TRAPPC9: variants seen among roughly 807,000 people sequenced by gnomAD.
The protein encoded by TRAPPC9 is IKK2 binding protein.
In TRAPPC9, 83 loss-of-function variants were observed where a neutral mutation model predicts 124.0. The ratio of observed to expected loss-of-function variants is 0.67; its 90% confidence interval spans 0.56 to 0.80. The LOEUF (loss-of-function observed/expected upper bound fraction) is 0.80. Ranked by LOEUF, TRAPPC9 falls within the 30% of genes least tolerant of loss-of-function variation. The pLI is 0.00. For synonymous variants in TRAPPC9, 638 were observed against 617.5 expected (o/e 1.03, Z -0.49); for missense variants, 1,302 against 1,508.3 (o/e 0.86, Z 2.27).
chr8:140,338,455 G>A (rs2067101782), intron 9 of TRAPPC9, among the ~76,000 whole-genome samples: 2 of 152,210 alleles, frequency 1.3e-5, no homozygotes, highest in Admixed American at 6.5e-5. Context: ...CAGGACAGAC[G>A]AGACCATGGT....
At chr8:140,175,189 C>T (rs1320906991) in intron 17 of TRAPPC9, among the ~76,000 whole-genome samples, 1 of 151,866 alleles carries the variant, frequency 6.6e-6, no homozygotes, top group African/African-American at 2.4e-5. Flanking sequence ...GAAAACAGTA[C>T]ACACAGCTAA....
intron 15 of TRAPPC9, among the ~76,000 whole-genome samples, chr8:140,264,026 C>A (rs1156332250): frequency 1.3e-5 from 2 of 152,208 alleles, no homozygotes; most frequent in African/African-American, 4.8e-5. Context: ...GAAGTAGAAG[C>A]CACTTTTCTC....
Position 139,984,707 on chromosome 8 carries a change from G to A in TRAPPC9, c.2810+4019C>T, listed in dbSNP as rs183116971. Among the ~76,000 whole-genome samples the A allele has an allele frequency of 7.9e-5, 12 of 152,266 alleles. No individual in the cohort carries two copies. The highest frequency in any genetic ancestry group is 2.1e-4 in the South Asian group (1 of 4,812). On this transcript the variant is annotated intron_variant, in intron 19 of 22. Coordinates refer to ENST00000438773, the MANE Select transcript of TRAPPC9 (RefSeq NM_001160372.4). The surrounding 1 kb of genome is among the most constrained non-coding windows in gnomAD (Gnocchi z 4.3). ...CGAGTGTGCATCTGACCCACAGGAG[G>A]CCGGTGAGGCACTGAGAGAGGTTTG...
At position 139,877,792 on chromosome 8, in the gene TRAPPC9, T is replaced by C. The variant is rs532320735; in HGVS notation, c.3055+8087A>G. Among the ~76,000 whole-genome samples, 3 of 152,278 alleles carry C rather than the reference T, an allele frequency of 2.0e-5. No individual in the cohort carries two copies. The East Asian group carries it at 5.8e-4, about 29-fold the overall frequency. Reference sequence around the variant, plus strand: ...CTCTGCTGGGCTCCTGGGGGTTTCTTCAAACCTCCACTAAGTATCTTCACT... The same window carrying C: ...CTCTGCTGGGCTCCTGGGGGTTTCTCCAAACCTCCACTAAGTATCTTCACT... On this transcript the variant is annotated intron_variant, in intron 21 of 22. Coordinates refer to ENST00000438773, the MANE Select transcript of TRAPPC9 (RefSeq NM_001160372.4).
chr8:140,342,888 A>T (rs1245205730), intron 9 of TRAPPC9, among the ~76,000 whole-genome samples: 1 of 152,198 alleles, frequency 6.6e-6, no homozygotes, highest in Non-Finnish European at 1.5e-5. Flanking sequence ...TCAAATGTGA[A>T]GTCTGCATAC....
At chr8:140,053,982 T>C (rs895121712) in intron 17 of TRAPPC9, among the ~76,000 whole-genome samples, 16 of 152,242 alleles carry the variant, frequency 1.1e-4, no homozygotes, top group African/African-American at 3.9e-4. Context: ...CATGGAATAC[T>C]ATGCAGCCAT....
chr8:140,372,996 C>A (rs1563981428), intron 7 of TRAPPC9, among the ~76,000 whole-genome samples: 2 of 152,236 alleles, frequency 1.3e-5, no homozygotes, highest in East Asian at 3.8e-4. Flanking sequence ...TCCTCAGCCC[C>A]AACCTGCTCT....
chr8:140,198,619 A>G (rs1254290105), intron 17 of TRAPPC9, among the ~76,000 whole-genome samples: 5 of 152,160 alleles, frequency 3.3e-5, no homozygotes, highest in Admixed American at 3.3e-4. Flanking sequence ...GACTGATTTG[A>G]GTAGTAATAA....
intron 18 of TRAPPC9, among the ~76,000 whole-genome samples, chr8:139,993,726 T>A (rs934794069): frequency 5.3e-5 from 8 of 152,184 alleles, no homozygotes; most frequent in African/African-American, 1.7e-4. Context: ...AAAAGAACTA[T>A]ATGCCCCACC....
chr8:140,101,470 A>C (rs2060576369), intron 17 of TRAPPC9, among the ~76,000 whole-genome samples: 1 of 150,714 alleles, frequency 6.6e-6, no homozygotes, highest in African/African-American at 2.4e-5. Flanking sequence ...TTAGGTGCTG[A>C]TCACAGAGAA....
intron 8 of TRAPPC9, 82 bp from the exon 9 acceptor site, chr8:140,360,275 C>A: frequency 6.4e-7 from 1 of 1,573,756 alleles, no homozygotes. Flanking sequence ...TAAAACTTGG[C>A]AATTTGAAGA....
intron 16 of TRAPPC9, among the ~76,000 whole-genome samples, chr8:140,250,739 T>C (rs957990339): frequency 6.6e-6 from 1 of 152,126 alleles, no homozygotes; most frequent in African/African-American, 2.4e-5. Context: ...CCACATACTA[T>C]GTAAACAACC....
At chr8:139,932,650 G>A in intron 19 of TRAPPC9, 1 of 394,716 alleles carries the variant, frequency 2.5e-6, no homozygotes, top group Non-Finnish European at 5.1e-6. Flanking sequence ...TGTAGTCCCA[G>A]CTACGTGGGA....
At chr8:140,151,592 T>G (rs1283735367) in intron 17 of TRAPPC9, among the ~76,000 whole-genome samples, 8 of 152,166 alleles carry the variant, frequency 5.3e-5, no homozygotes, top group Non-Finnish European at 1.2e-4. Flanking sequence ...CACATTGGAC[T>G]AGGGCCCACC....
chr8:139,838,960 G>T (rs1039817618), intron 21 of TRAPPC9, among the ~76,000 whole-genome samples: 2 of 152,176 alleles, frequency 1.3e-5, no homozygotes, highest in African/African-American at 4.8e-5. Context: ...ACACCAGGGG[G>T]CAAAATCCAC....
chr8:139,849,245 G>T (rs767165250), intron 21 of TRAPPC9, among the ~76,000 whole-genome samples: 1 of 152,214 alleles, frequency 6.6e-6, no homozygotes, highest in African/African-American at 2.4e-5. Context: ...TGGGAGGTGG[G>T]TGATGTGGGT....
chr8:140,112,078 G>C (rs1167239633), intron 17 of TRAPPC9, among the ~76,000 whole-genome samples: 1 of 152,260 alleles, frequency 6.6e-6, no homozygotes, highest in African/African-American at 2.4e-5. Context: ...CATAAACAGA[G>C]GAGGAATAAT....
At chr8:140,422,840 T>C (rs2070269922) in intron 5 of TRAPPC9, among the ~76,000 whole-genome samples, 1 of 151,276 alleles carries the variant, frequency 6.6e-6, no homozygotes, top group African/African-American at 2.4e-5. Context: ...TCTAAATAGA[T>C]ATTTTTTCAA....
In TRAPPC9 at chr8:139,742,264, C is replaced by T. The variant is rs1214897235; in HGVS notation, c.3056-10062G>A. Among the ~76,000 whole-genome samples the T allele has an allele frequency of 6.6e-6, 1 of 152,216 alleles. No individual in the cohort carries two copies. The highest frequency in any genetic ancestry group is 2.4e-5 in the African/African-American group (1 of 41,450). On this transcript the variant is annotated intron_variant, in intron 21 of 22. Transcript: ENST00000438773. The surrounding 1 kb of genome is among the most constrained non-coding windows in gnomAD (Gnocchi z 4.7). ...CACGTGCGTTCTCCCGATCTACCCCCAACCGGCCATGCTGCCGGCGCTCAC... is the reference window on the plus strand; with the variant it reads ...CACGTGCGTTCTCCCGATCTACCCCTAACCGGCCATGCTGCCGGCGCTCAC...
Sources: gnomAD v4.1 joint callset for allele counts (sites outside exome capture counted in the v4.1 genomes callset) on GRCh38, gnomAD v4.1.1 for gene constraint, Gnocchi (gnomAD v3.1) non-coding constraint, MANE v1.5 for transcripts, NCBI Gene and HGNC (gene_info 2026-07-23, HGNC 2026-07-21) for gene names.